Variants in HARS1 observed in about 807,000 individuals in gnomAD.
The protein encoded by HARS1 is histidyl-tRNA synthetase 1.
A neutral mutation model predicts 63.6 loss-of-function variants in HARS1; 45 were observed. The observed-to-expected ratio is 0.71, with a 90% CI of 0.56 to 0.91. The LOEUF (loss-of-function observed/expected upper bound fraction) is 0.91, where lower values mean the gene tolerates loss of function less well. HARS1 is among the 40% of genes least tolerant of loss of function. The pLI, the probability that HARS1 is intolerant of heterozygous loss-of-function variation, is 0.00. For missense variants in HARS1, 508 were observed against 643.2 expected, an observed-to-expected ratio of 0.79 and a Z score of 2.27; for synonymous variants, 205 against 247.1, an observed-to-expected ratio of 0.83 and a Z score of 1.60.
At chr5:140,677,567 C>T in intron 7 of HARS1, 88 bp downstream of exon 7, 1 of 1,064,654 alleles carries the variant, frequency 9.4e-7, no homozygotes, top group Non-Finnish European at 1.5e-6. Flanking sequence ...GGTATAGAGG[C>T]ATGCACCTCT....
chr5:140,677,571 C>A (rs745650672), intron 7 of HARS1, 84 bp downstream of exon 7: 1 of 1,082,764 alleles, frequency 9.2e-7, no homozygotes, highest in Non-Finnish European at 1.4e-6. Flanking sequence ...TAGAGGCATG[C>A]ACCTCTCTCT....
Position 140,677,683 on chromosome 5 carries a change from A to G in HARS1, c.701T>C (p.Ile234Thr). Residue 234 changes from isoleucine (I) to threonine (T), a missense_variant, in exon 7 of 13, where the codon ATC becomes ACC. Around this residue, in one of 2 missense-constraint regions of HARS1, gnomAD observed 403 missense variants for 548.7 expected, o/e 0.73. Coordinates refer to ENST00000504156, the MANE Select transcript of HARS1 (RefSeq NM_002109.6). ...GTCCAGCTTGTCTACTGAGGAGCAG[A>G]TGGTACGGAACTTGCTGTCAGAAAC... ...CGVSDSKFRT[I>T]CSSVDKLDKV... The G allele has an allele frequency of 6.2e-7, 1 of 1,611,394 alleles. No homozygotes were observed.
intron 2 of HARS1, chr5:140,683,462 T>G: frequency 8.4e-7 from 1 of 1,189,374 alleles, no homozygotes; most frequent in Non-Finnish European, 1.1e-6. Context: ...TCTAAAATTC[T>G]TAGAACTCTT....
chr5:140,687,976 TC>T, intron 2 of HARS1: 1 of 151,982 alleles, frequency 6.6e-6, no homozygotes, highest in Non-Finnish European at 1.5e-5. Context: ...CGGTGGCACA[TC>T]CCTGTAGTCC....
At chr5:140,689,161 A>T (rs1361956061) in intron 2 of HARS1, among the ~76,000 whole-genome samples, 1 of 152,212 alleles carries the variant, frequency 6.6e-6, no homozygotes, top group Non-Finnish European at 1.5e-5. Context: ...GATCCCAAAG[A>T]ATTAACCTTA....
chr5:140,675,180 A>G (rs200507947), intron 10 of HARS1, 47 bp from the exon 11 acceptor site: 2 of 1,178,338 alleles, frequency 1.7e-6, no homozygotes, highest in Non-Finnish European at 2.5e-6. Flanking sequence ...ACCTTCAAGG[A>G]GCAAACAAAG....
At chr5:140,691,175 G>A (rs1372144130) in intron 1 of HARS1, 40 bp downstream of exon 1, 2 of 1,447,086 alleles carry the variant, frequency 1.4e-6, no homozygotes, top group Middle Eastern at 3.5e-4. Flanking sequence ...CGTCCTCCCA[G>A]GCTTTGCCTT....
At chr5:140,680,734 G>A (rs996027196) in intron 3 of HARS1, among the ~76,000 whole-genome samples, 1 of 151,588 alleles carries the variant, frequency 6.6e-6, no homozygotes, top group East Asian at 2.0e-4. Context: ...CCAGCTATTC[G>A]GAGGCTTAGG....
intron 3 of HARS1, among the ~76,000 whole-genome samples, chr5:140,682,581 A>G (rs1313704107): frequency 6.6e-6 from 1 of 152,154 alleles, no homozygotes; most frequent in African/African-American, 2.4e-5. Flanking sequence ...GGGGCTTGCT[A>G]CATTGCCCAG....
Position 140,676,589 on chromosome 5 carries a change from G to A in HARS1, c.1194+65C>T. ...CAAAGCAGCACCACTTGCTCCCTTG[G>A]AGATCAGATAGCTTAGGTGCCACCA... On this transcript the variant is annotated intron_variant, in intron 10 of 12. Transcript: ENST00000504156. The surrounding 1 kb of genome is among the most constrained non-coding windows in gnomAD (Gnocchi z 4.1). 1.9e-6 allele frequency: 3 copies of A among 1,546,810 alleles called. No individual in the cohort carries two copies. The highest frequency in any genetic ancestry group is 2.7e-6 in the Non-Finnish European group (3 of 1,130,114).
At chr5:140,686,774 G>A (rs1338476600) in intron 2 of HARS1, among the ~76,000 whole-genome samples, 1 of 151,058 alleles carries the variant, frequency 6.6e-6, no homozygotes, top group African/African-American at 2.4e-5. Context: ...CTAATTTTTA[G>A]TAGAGATGGG....
chr5:140,684,841 AAAT>A lies in HARS1; in HGVS notation c.181-1625_181-1623del, dbSNP rs529684801. The A allele has an allele frequency of 9.8e-5, 15 of 152,356 alleles. No individual in the cohort carries two copies. In the East Asian group the frequency reaches 2.9e-3, roughly 29 times the overall value. 9.4% of individuals were successfully genotyped at this position (152,356 alleles called of 1,614,324 possible). On this transcript the variant is annotated intron_variant, in intron 2 of 12. Transcript: ENST00000504156. The stretch of plus-strand genomic sequence containing the variant: ...TAATATATCTATTATATGTTAACGC[AAAT>A]AATATTTTAGAAAAAGGTAACTGTT...
intron 3 of HARS1, among the ~76,000 whole-genome samples, chr5:140,682,237 T>TA (rs752171875): frequency 4.6e-5 from 7 of 151,370 alleles, no homozygotes; most frequent in Admixed American, 2.0e-4. Context: ...TTTTTTTTTT[T>TA]AAAAAGGAAT....
chr5:140,678,051 T>G, intron 5 of HARS1, 36 bp from the exon 6 acceptor site: 4 of 1,155,114 alleles, frequency 3.5e-6, no homozygotes. Context: ...TCTTCAGGGA[T>G]TCACCTTTCT....
intron 3 of HARS1, chr5:140,682,618 C>T (rs1758790172): frequency 6.6e-6 from 1 of 152,538 alleles, no homozygotes; most frequent in South Asian, 2.1e-4. Context: ...TATTCACAGG[C>T]ACCATCATAG....
rs1410531362 is a variant in HARS1 at position 140,685,949 on chromosome 5, AGATGGAGTCTCGCTCT to A, written c.181-2746_181-2731del. 3.7e-5 allele frequency among the ~76,000 whole-genome samples: 5 copies of A among 135,446 alleles called. No homozygotes were observed. In the East Asian group the frequency reaches 1.1e-3, roughly 31 times the overall value. The allele number at this position is 135,446 out of a possible 152,430, so 88.9% of individuals were successfully genotyped here. A position where few individuals can be genotyped will look rare whatever the true frequency, so the allele number is the denominator to read the frequency against. The stretch of plus-strand genomic sequence containing the variant: ...AGAAAGTCTTTTTTTTTTTTTTTTG[AGATGGAGTCTCGCTCT>A]GTCACCCAGGCTGAAGTGCAGTGGT... On this transcript the variant is annotated intron_variant, in intron 2 of 12. Transcript: ENST00000504156.
Position 140,676,647 on chromosome 5 carries a change from G to A in HARS1, c.1194+7C>T, listed in dbSNP as rs1758376860. The A allele has an allele frequency of 6.2e-7, 1 of 1,613,790 alleles. No homozygotes were observed. The highest frequency in any genetic ancestry group is 1.7e-5 in the Admixed American group (1 of 59,994). On this transcript the variant is annotated splice_region_variant and intron_variant, in intron 10 of 12. Transcript: ENST00000504156. The surrounding 1 kb of genome is among the most constrained non-coding windows in gnomAD (Gnocchi z 4.1). The stretch of plus-strand genomic sequence containing the variant: ...AGACTATCTTCTACCTACCTCCTAG[G>A]ACCTACCTCTAGTCTCTGTTCCACG...
Position 140,679,506 on chromosome 5 carries a change from T to C in HARS1, c.396+282A>G, listed in dbSNP as rs1383469096. On this transcript the variant is annotated intron_variant, in intron 4 of 12. Transcript: ENST00000504156. This position sits in a 1 kb window ranked among gnomAD's most constrained non-coding sequence, Gnocchi z 4.3. ...GTTGCTAGTCCATTAAGAAGAATTT[T>C]GTTCACTGGACAGGGCAGGGGAGAG... is the stretch of plus-strand genomic sequence containing the variant. 2 of 425,678 alleles carry C rather than the reference T, an allele frequency of 4.7e-6. No individual in the cohort carries two copies. The highest frequency in any genetic ancestry group is 4.1e-5 in the Admixed American group (1 of 24,408). The allele number at this position is 425,678 out of a possible 1,614,324, so 26.4% of individuals were successfully genotyped here.
At chr5:140,682,764 A>G (rs1422768426) in intron 3 of HARS1, 1 of 191,832 alleles carries the variant, frequency 5.2e-6, no homozygotes, top group African/African-American at 2.3e-5. Flanking sequence ...GAGTCCATCA[A>G]TAGGAGAGTG....
Sources: allele counts gnomAD v4.1 joint callset (sites outside exome capture counted in the v4.1 genomes callset), GRCh38; gene constraint gnomAD v4.1.1; regional missense constraint gnomAD v4.1.1; non-coding constraint Gnocchi (gnomAD v3.1); transcripts MANE v1.5; gene names NCBI Gene and HGNC (gene_info 2026-07-23, HGNC 2026-07-21).